Variants in FOCAD observed in about 807,000 individuals in gnomAD.
FOCAD encodes the protein KIAA1797.
FOCAD carries 198 observed loss-of-function variants against 225.6 expected under a neutral mutation model. The observed-to-expected ratio is 0.88, with a 90% confidence interval of 0.78 to 0.99. The LOEUF (loss-of-function observed/expected upper bound fraction) is 0.99, where lower values mean the gene tolerates loss of function less well. FOCAD is among the 50% of genes least tolerant of loss of function. The pLI, the probability that FOCAD is intolerant of heterozygous loss-of-function variation, is 0.00. For synonymous variants in FOCAD, 897 were observed against 755.0 expected, an observed-to-expected ratio of 1.19 and a Z score of -3.08; for missense variants, 2,713 against 2,123.6, an observed-to-expected ratio of 1.28 and a Z score of -5.46.
At chr9:20,819,266 T>G (rs1388403491) in intron 11 of FOCAD, among the ~76,000 whole-genome samples, 4 of 152,110 alleles carry the variant, frequency 2.6e-5, no homozygotes, top group African/African-American at 9.7e-5. Flanking sequence ...TAGGCTGGAG[T>G]GCAATGGTGC....
intron 1 of FOCAD, among the ~76,000 whole-genome samples, chr9:20,709,752 A>G (rs1824679477): frequency 6.6e-6 from 1 of 152,178 alleles, no homozygotes; most frequent in Non-Finnish European, 1.5e-5. Context: ...TGGTTTTGAG[A>G]ATGCTTAATG....
At chr9:20,923,214 A>C (rs1834618702) in intron 24 of FOCAD, among the ~76,000 whole-genome samples, 1 of 152,182 alleles carries the variant, frequency 6.6e-6, no homozygotes, top group Non-Finnish European at 1.5e-5. Context: ...GTTTGCTAGA[A>C]GCCAGTTCAA....
At chr9:20,939,800 C>T (rs149139546) in intron 28 of FOCAD, among the ~76,000 whole-genome samples, 2 of 148,988 alleles carry the variant, frequency 1.3e-5, no homozygotes, top group East Asian at 2.0e-4. Context: ...ATGTGCACAA[C>T]GCGCAGGTTT....
intron 5 of FOCAD, among the ~76,000 whole-genome samples, chr9:20,741,678 T>TTC (rs1436706324): frequency 6.9e-6 from 1 of 145,674 alleles, no homozygotes; most frequent in Non-Finnish European, 1.5e-5. Flanking sequence ...TAAATATGCT[T>TTC]TTTTTTTTTT....
At chr9:20,675,095 T>C (rs1822194163) in intron 2 of FOCAD, among the ~76,000 whole-genome samples, 5 of 152,202 alleles carry the variant, frequency 3.3e-5, no homozygotes, top group Admixed American at 3.3e-4. Context: ...AAGTTTTTCT[T>C]CTATAAATCT....
chr9:20,815,127 TTTTTTTTTTG>T (rs1224507149), intron 11 of FOCAD, among the ~76,000 whole-genome samples: 1,012 of 99,412 alleles, frequency 0.01, 63 homozygotes, highest in Middle Eastern at 0.024. Context: ...CTCTTTGTTT[TTTTTTTTTTG>T]TTTTTTTTTT....
chr9:20,798,002 T>C (rs576715647), intron 11 of FOCAD, among the ~76,000 whole-genome samples: 8 of 152,334 alleles, frequency 5.3e-5, no homozygotes, highest in East Asian at 1.9e-4. Context: ...ATAGCTCTTA[T>C]CATTTTTAGA....
At chr9:20,680,206 G>T (rs1363185076), upstream of FOCAD, among the ~76,000 whole-genome samples, 13 of 152,196 alleles carry the variant, frequency 8.5e-5, no homozygotes, top group Non-Finnish European at 1.8e-4. Flanking sequence ...GAATATAGGT[G>T]GACTATTAGA....
chr9:20,810,290 T>C (rs180766013), intron 11 of FOCAD, among the ~76,000 whole-genome samples: 93 of 152,270 alleles, frequency 6.1e-4, no homozygotes, highest in African/African-American at 2.1e-3. Flanking sequence ...AGTTACATAG[T>C]TGCTTACCTA....
intron 15 of FOCAD, among the ~76,000 whole-genome samples, chr9:20,857,785 G>GTT (rs35820198): frequency 0.42 from 44,630 of 105,368 alleles, 7,362 homozygotes; most frequent in East Asian, 0.55. Flanking sequence ...TTTTTTTTGA[G>GTT]TTTTTTTTTT....
chr9:20,948,655 C>G (rs1048915859), intron 31 of FOCAD, among the ~76,000 whole-genome samples, 196 bp from the exon 32 acceptor site: 1 of 151,996 alleles, frequency 6.6e-6, no homozygotes, highest in African/African-American at 2.4e-5. Flanking sequence ...AGCAAGAATC[C>G]ACCCATGATC....
chr9:20,941,493 T>C (rs188033582), intron 28 of FOCAD, among the ~76,000 whole-genome samples: 11 of 152,290 alleles, frequency 7.2e-5, no homozygotes, highest in Non-Finnish European at 1.3e-4. Context: ...TACAGTAAAC[T>C]AGGGAATTGA....
rs1412843918 is a variant in FOCAD at position 20,995,638 on chromosome 9, G to T, written c.*9G>T. 1 of 1,609,722 alleles carries T rather than the reference G, an allele frequency of 6.2e-7. No individual in the cohort carries two copies. Among genetic ancestry groups the T allele is most frequent in the East Asian group, 2.2e-5 (1 of 44,838 alleles). On this transcript the variant is annotated 3_prime_UTR_variant, in exon 44 of 44. Coordinates refer to ENST00000338382, the MANE Select transcript of FOCAD (RefSeq NM_001375567.1). ...GAGCATATGGTTGGTGAACAGTTTT[G>T]CAGTAACCAGCAGCATTCTCAGCTG...
chr9:20,783,015 A>G (rs569536914), intron 10 of FOCAD, among the ~76,000 whole-genome samples: 33 of 152,328 alleles, frequency 2.2e-4, no homozygotes, highest in African/African-American at 7.5e-4. Flanking sequence ...AAAAAATTCT[A>G]GTAGCTTTTT....
chr9:20,717,318 G>T (rs1825416974), intron 2 of FOCAD, among the ~76,000 whole-genome samples: 1 of 152,202 alleles, frequency 6.6e-6, no homozygotes, highest in Non-Finnish European at 1.5e-5. Context: ...CAATAGTGAA[G>T]TAGTTTCCAA....
chr9:20,802,924 T>G (rs766606346), intron 11 of FOCAD, among the ~76,000 whole-genome samples: 3 of 152,280 alleles, frequency 2.0e-5, no homozygotes, highest in East Asian at 3.9e-4. Context: ...ACTTGGCTAA[T>G]TAGTTTGTTA....
In FOCAD at chr9:20,732,156, G is replaced by A. The variant is rs191037560; in HGVS notation, c.288-8080G>A. On this transcript the variant is annotated intron_variant, in intron 4 of 43. Coordinates refer to ENST00000338382, the MANE Select transcript of FOCAD (RefSeq NM_001375567.1). ...GTGCTAGGTGCTGTGATACCGTGGTGAGGAATGCAGACGTAGTTATTGCAC... is the reference window on the plus strand; with the variant it reads ...GTGCTAGGTGCTGTGATACCGTGGTAAGGAATGCAGACGTAGTTATTGCAC... Among the ~76,000 whole-genome samples, 561 of 152,248 alleles carry A rather than the reference G, an allele frequency of 3.7e-3. 4 individuals carry two copies. The highest frequency in any genetic ancestry group is 0.013 in the African/African-American group (536 of 41,556).
chr9:20,981,459 C>T lies in FOCAD; in HGVS notation c.4411C>T (p.Pro1471Ser), dbSNP rs140273318. ...CAAGAGATATCTCCTGATATCTGCA[C>T]CTCTGTGGATAAAACACATCTCTGA... ...NTKRYLLISA[P>S]LWIKHISDEQ... Residue 1471 changes from proline (P) to serine (S), a missense_variant, in exon 38 of 44, where the codon CCT becomes TCT. Physicochemically the swap from Pro to Ser is moderately conservative, Grantham distance 74 (BLOSUM62 -1). Transcript: ENST00000338382. The T allele has an allele frequency of 2.7e-5, 43 of 1,613,968 alleles. No homozygotes were observed. The highest frequency in any genetic ancestry group is 3.5e-5 in the Non-Finnish European group (41 of 1,179,974).
intron 11 of FOCAD, among the ~76,000 whole-genome samples, chr9:20,794,891 A>T (rs1272034795): frequency 6.6e-6 from 1 of 152,182 alleles, no homozygotes; most frequent in Non-Finnish European, 1.5e-5. Flanking sequence ...TGAGAATTTG[A>T]TAATGTTTCA....
Sources: gnomAD v4.1 joint callset for allele counts (sites outside exome capture counted in the v4.1 genomes callset) on GRCh38, gnomAD v4.1.1 for gene constraint, MANE v1.5 for transcripts, NCBI Gene and HGNC (gene_info 2026-07-23, HGNC 2026-07-21) for gene names.